Variants in PHLDB2 observed in about 807,000 individuals in gnomAD.
PHLDB2 encodes pleckstrin homology-like domain family B member 2.
PHLDB2 carries 71 observed loss-of-function variants against 123.6 expected under a neutral mutation model. The observed-to-expected ratio is 0.57, with a 90% CI of 0.47 to 0.70. The LOEUF (loss-of-function observed/expected upper bound fraction) is 0.70. PHLDB2 is among the 30% of genes least tolerant of loss of function. The probability of loss-of-function intolerance (pLI) is 0.00; values close to 1 mark genes in which losing one functional copy is unlikely to be tolerated. For synonymous variants in PHLDB2, 547 were observed against 541.6 expected, an observed-to-expected ratio of 1.01 and a Z score of -0.14; for missense variants, 1,446 against 1,519.5, an observed-to-expected ratio of 0.95 and a Z score of 0.80.
In PHLDB2 at chr3:111,898,569, C is replaced by T. The variant is rs559135687; in HGVS notation, c.1335+13157C>T. ...CAAAAGATTCCTCTGCAGCATGCAACGCTGTTTGGTTGCGCTTTACCCACA... is the reference window on the plus strand; with the variant it reads ...CAAAAGATTCCTCTGCAGCATGCAATGCTGTTTGGTTGCGCTTTACCCACA... On this transcript the variant is annotated intron_variant, in intron 2 of 17. Coordinates refer to ENST00000431670, the MANE Select transcript of PHLDB2 (RefSeq NM_001134438.2). Among the ~76,000 whole-genome samples the T allele has an allele frequency of 3.9e-5, 6 of 152,300 alleles. No homozygotes were observed. The South Asian group carries it at 6.2e-4, about 16-fold the overall frequency.
chr3:111,742,107 T>C (rs964970691), intron 1 of PHLDB2, among the ~76,000 whole-genome samples: 2 of 152,200 alleles, frequency 1.3e-5, no homozygotes, highest in African/African-American at 4.8e-5. Context: ...CATGTCTGGT[T>C]TGGCTTAATA....
chr3:111,766,847 A>G (rs1478656746), intron 1 of PHLDB2, among the ~76,000 whole-genome samples: 1 of 152,120 alleles, frequency 6.6e-6, no homozygotes, highest in African/African-American at 2.4e-5. Context: ...AGCCTGGCCA[A>G]CATAGTGAAA....
chr3:111,964,799 G>C (rs2071642942), intron 13 of PHLDB2, among the ~76,000 whole-genome samples: 1 of 152,054 alleles, frequency 6.6e-6, no homozygotes, highest in Admixed American at 6.6e-5. Context: ...ATGGTAAACA[G>C]TGAAATCTAA....
At chr3:111,773,075 C>T (rs1407835700) in intron 1 of PHLDB2, among the ~76,000 whole-genome samples, 1 of 152,142 alleles carries the variant, frequency 6.6e-6, no homozygotes, top group African/African-American at 2.4e-5. Context: ...AAGTTTTATG[C>T]TCTAAGGATT....
At chr3:111,875,355 G>T (rs1294894828) in intron 1 of PHLDB2, among the ~76,000 whole-genome samples, 2 of 151,518 alleles carry the variant, frequency 1.3e-5, no homozygotes, top group Non-Finnish European at 2.9e-5. Flanking sequence ...TCTCCATGTT[G>T]GTCAGGCTGG....
intron 1 of PHLDB2, among the ~76,000 whole-genome samples, chr3:111,780,271 A>AGAAGAAAGAAGAAG (rs34178824): frequency 6.4e-4 from 5 of 7,768 alleles, no homozygotes; most frequent in African/African-American, 1.2e-3. Context: ...AAGAAGAAGA[A>AGAAGAAAGAAGAAG]AAGAAGAAGA....
rs868625161 is a variant in PHLDB2, at chr3:111,851,143, C to T, written c.67+5208C>T. The stretch of plus-strand genomic sequence containing the variant: ...CCATGAGGCAGAGCTTGCAGTGAGC[C>T]GAGATCACGCCACTGCACTCCAGCC... On this transcript the variant is annotated intron_variant, in intron 2 of 17. Coordinates refer to the PHLDB2 transcript ENST00000393923. Among the ~76,000 whole-genome samples, 5 of 146,418 alleles carry T rather than the reference C, an allele frequency of 3.4e-5. No individual in the cohort carries two copies. In the Middle Eastern group the frequency reaches 0.011, roughly 314 times the overall value.
rs757189683 is a variant in PHLDB2 at position 111,962,120 on chromosome 3, A to C, written c.2885A>C (p.Gln962Pro). 5.1e-5 allele frequency: 80 copies of C among 1,578,970 alleles called. No individual in the cohort carries two copies. Among genetic ancestry groups the C allele is most frequent in the Non-Finnish European group, 6.5e-5 (76 of 1,170,848 alleles). The change falls in exon 13 of 18, where the codon CAA becomes CCA. Residue 962 changes from glutamine (Q) to proline (P), a missense_variant. By Grantham distance (76) the Gln-to-Pro change is moderately conservative. This residue lies in a region of PHLDB2 where 594 missense variants were observed against 646.0 expected (regional missense o/e 0.92). Coordinates refer to ENST00000431670, the MANE Select transcript of PHLDB2 (RefSeq NM_001134438.2). Reference sequence around the variant, plus strand: ...GCTCCTTCCTTAGGTTATAATCACCAACAGATGAGTGAAGGACACAGGCAG... The same window carrying C: ...GCTCCTTCCTTAGGTTATAATCACCCACAGATGAGTGAAGGACACAGGCAG... ...SRRMLRGYNH[Q>P]QMSEGHRQKS...
chr3:111,936,990 T>C (rs1048270123), intron 6 of PHLDB2, among the ~76,000 whole-genome samples: 1 of 152,246 alleles, frequency 6.6e-6, no homozygotes, highest in African/African-American at 2.4e-5. Flanking sequence ...TTAGAAGTTA[T>C]AAATTTGAAA....
At chr3:111,874,668 G>T (rs986215883) in intron 1 of PHLDB2, among the ~76,000 whole-genome samples, 1 of 152,138 alleles carries the variant, frequency 6.6e-6, no homozygotes, top group Non-Finnish European at 1.5e-5. Context: ...ATATTTCATT[G>T]ATCAAAGCAA....
intron 10 of PHLDB2, among the ~76,000 whole-genome samples, chr3:111,952,015 G>T (rs2107635531): frequency 6.6e-6 from 1 of 152,312 alleles, no homozygotes; most frequent in Non-Finnish European, 1.5e-5. Flanking sequence ...TACTGTAGGG[G>T]CTCCTTGGCC....
Position 111,884,553 on chromosome 3 carries a change from AC to A in PHLDB2, c.477del (p.Asp159GlufsTer27). 1 of 1,614,124 alleles carries A rather than the reference AC, an allele frequency of 6.2e-7. No individual in the cohort carries two copies. The highest frequency in any genetic ancestry group is 8.5e-7 in the Non-Finnish European group (1 of 1,180,028). On this transcript the variant is annotated frameshift_variant, in exon 2 of 18. Coordinates refer to ENST00000431670, the MANE Select transcript of PHLDB2 (RefSeq NM_001134438.2). LOFTEE classifies it high-confidence loss of function. ...SKYSSRHKSH[D>X]NVYSLGGLEG... ...TATAGCTCAAGGCATAAATCGCATG[AC>A]AATGTCTACTCTCTTGGAGGGCTGG...
intron 1 of PHLDB2, among the ~76,000 whole-genome samples, chr3:111,860,238 A>G (rs1454011914): frequency 6.6e-6 from 1 of 152,054 alleles, no homozygotes; most frequent in African/African-American, 2.4e-5. Context: ...CGCGGGATTC[A>G]GAGAAGACTC....
Position 111,761,376 on chromosome 3 carries a change from A to G in PHLDB2, c.-49+28673A>G, listed in dbSNP as rs111766276. On this transcript the variant is annotated intron_variant, in intron 1 of 17. Coordinates refer to the PHLDB2 transcript ENST00000393923. ...AAAGCAGAAGTGGGTATGGGTACAC[A>G]TGGGAGTGTATAAAGCTCAAAGTCT... Among the ~76,000 whole-genome samples, 140 of 152,278 alleles carry G rather than the reference A, an allele frequency of 9.2e-4. 1 individual carries two copies. Among genetic ancestry groups the G allele is most frequent in the Non-Finnish European group, 1.8e-3 (123 of 68,008 alleles).
At chr3:111,918,778 A>G (rs866247293) in intron 3 of PHLDB2, among the ~76,000 whole-genome samples, 3 of 152,316 alleles carry the variant, frequency 2.0e-5, no homozygotes, top group Middle Eastern at 3.4e-3. Flanking sequence ...CTCAATCTCT[A>G]TATACCACAC....
intron 1 of PHLDB2, among the ~76,000 whole-genome samples, chr3:111,737,809 G>A (rs986122767): frequency 6.6e-6 from 1 of 151,954 alleles, no homozygotes; most frequent in Admixed American, 6.6e-5. Context: ...CTCAAGATAA[G>A]CCTTATATAG....
chr3:111,778,264 A>T (rs1300050735), intron 1 of PHLDB2: 1 of 152,026 alleles, frequency 6.6e-6, no homozygotes, highest in Non-Finnish European at 1.5e-5. Context: ...TGTCCTTATC[A>T]TAGGGAAATG....
chr3:111,803,322 T>C (rs541190260), intron 1 of PHLDB2, among the ~76,000 whole-genome samples: 1 of 152,322 alleles, frequency 6.6e-6, no homozygotes, highest in African/African-American at 2.4e-5. Context: ...AATGTAAGGT[T>C]GCTACTAACA....
chr3:111,929,864 A>G (rs1045303228), intron 5 of PHLDB2, among the ~76,000 whole-genome samples: 28 of 152,102 alleles, frequency 1.8e-4, no homozygotes, highest in Admixed American at 1.2e-3. Context: ...TATGAATTGC[A>G]AAACCTTTTG....
Sources: gnomAD v4.1 joint callset for allele counts (sites outside exome capture counted in the v4.1 genomes callset) on GRCh38, gnomAD v4.1.1 for gene constraint, gnomAD v4.1.1 regional missense constraint, MANE v1.5 for transcripts, NCBI Gene and HGNC (gene_info 2026-07-23, HGNC 2026-07-21) for gene names.